Variants in FARS2 observed in about 807,000 individuals in gnomAD.
The protein encoded by FARS2 is phenylalanyl-tRNA synthetase 2, mitochondrial.
In FARS2, 40 loss-of-function variants were observed where a neutral mutation model predicts 46.4. The observed-to-expected ratio is 0.86, with a 90% CI of 0.67 to 1.12. The LOEUF (loss-of-function observed/expected upper bound fraction) is 1.12. FARS2 is among the 50% of genes most tolerant of loss of function. The pLI is 0.00. For synonymous variants in FARS2, 234 were observed against 214.9 expected (o/e 1.09, Z -0.78); for missense variants, 513 against 567.9 (o/e 0.90, Z 0.98).
At chr6:5,381,752 T>G (rs1187047841) in intron 2 of FARS2, among the ~76,000 whole-genome samples, 1 of 152,202 alleles carries the variant, frequency 6.6e-6, no homozygotes, top group Non-Finnish European at 1.5e-5. Context: ...GAATGCTGCC[T>G]AACTTGGGTA....
intron 6 of FARS2, among the ~76,000 whole-genome samples, chr6:5,655,626 T>A (rs1777571648): frequency 1.3e-5 from 2 of 152,296 alleles, no homozygotes; most frequent in African/African-American, 4.8e-5. Flanking sequence ...ACTCTGGCCC[T>A]CCTGCCTCCC....
intron 2 of FARS2, among the ~76,000 whole-genome samples, chr6:5,370,200 A>G (rs1017700580): frequency 3.3e-5 from 5 of 152,192 alleles, no homozygotes; most frequent in African/African-American, 4.8e-5. Flanking sequence ...GTTGTATTCT[A>G]TAAGTCCTAT....
intron 3 of FARS2, among the ~76,000 whole-genome samples, chr6:5,426,023 G>GTT (rs146282440): frequency 6.6e-6 from 1 of 151,624 alleles, no homozygotes; most frequent in African/African-American, 2.4e-5. Flanking sequence ...CCCAGGTGTG[G>GTT]TTTTTTTTCC....
At chr6:5,533,577 C>T (rs1328651362) in intron 4 of FARS2, among the ~76,000 whole-genome samples, 1 of 152,218 alleles carries the variant, frequency 6.6e-6, no homozygotes, top group African/African-American at 2.4e-5. Context: ...ATGCTGCCCT[C>T]ATGCACTGCA....
intron 6 of FARS2, among the ~76,000 whole-genome samples, chr6:5,700,488 C>T (rs1404083306): frequency 6.6e-6 from 1 of 152,016 alleles, no homozygotes; most frequent in Admixed American, 6.6e-5. Context: ...CTCACTGCGA[C>T]CTCCACCTCC....
intron 6 of FARS2, among the ~76,000 whole-genome samples, chr6:5,656,051 A>G (rs951679676): frequency 1.3e-5 from 2 of 152,228 alleles, no homozygotes; most frequent in Admixed American, 6.5e-5. Flanking sequence ...TATGTTGGGT[A>G]TCATCCTAGG....
chr6:5,403,391 C>G (rs1435485165), intron 2 of FARS2, among the ~76,000 whole-genome samples: 1 of 152,202 alleles, frequency 6.6e-6, no homozygotes, highest in African/African-American at 2.4e-5. Flanking sequence ...CACAGCAAAG[C>G]TTTCCCTTTT....
At chr6:5,574,893 A>C (rs1772867685) in intron 5 of FARS2, among the ~76,000 whole-genome samples, 1 of 152,160 alleles carries the variant, frequency 6.6e-6, no homozygotes, top group Admixed American at 6.5e-5. Context: ...ACCTGCATAT[A>C]CAAAATGTCA....
At chr6:5,256,491 G>GAAAAAAAAAA (rs1161084364), upstream of FARS2, among the ~76,000 whole-genome samples, 1 of 43,858 alleles carries the variant, frequency 2.3e-5, no homozygotes, top group Non-Finnish European at 3.6e-5. Context: ...ATTTCAACTG[G>GAAAAAAAAAA]AAAAAAAAAA....
chr6:5,383,799 C>A (rs1447173030), intron 2 of FARS2, among the ~76,000 whole-genome samples: 2 of 147,944 alleles, frequency 1.4e-5, no homozygotes, highest in African/African-American at 5.0e-5. Context: ...CTTTTCTGTT[C>A]TTTCCCGTGG....
chr6:5,576,569 A>G (rs891070454), intron 5 of FARS2, among the ~76,000 whole-genome samples: 1 of 146,206 alleles, frequency 6.8e-6, no homozygotes, highest in Non-Finnish European at 1.5e-5. Flanking sequence ...TATATAGAGT[A>G]TATATCTATG....
At chr6:5,557,670 A>G (rs190698735) in intron 5 of FARS2, among the ~76,000 whole-genome samples, 1 of 152,284 alleles carries the variant, frequency 6.6e-6, no homozygotes, top group African/African-American at 2.4e-5. Context: ...CACTTATGAA[A>G]TGGATGATAG....
intron 5 of FARS2, among the ~76,000 whole-genome samples, chr6:5,547,823 C>T (rs746014973): frequency 3.3e-5 from 5 of 152,216 alleles, no homozygotes; most frequent in Non-Finnish European, 7.3e-5. Flanking sequence ...TACTCACGCC[C>T]CAGTGGCGAC....
chr6:5,689,448 C>T (rs1161395195), intron 6 of FARS2, among the ~76,000 whole-genome samples: 16 of 152,102 alleles, frequency 1.1e-4, no homozygotes, highest in Admixed American at 4.6e-4. Context: ...GCCTTCATTT[C>T]GTTATGTCCC....
At chr6:5,282,407 G>T (rs1188903147) in intron 1 of FARS2, among the ~76,000 whole-genome samples, 38 of 152,216 alleles carry the variant, frequency 2.5e-4, no homozygotes, top group Non-Finnish European at 7.3e-5. Flanking sequence ...GCGGACACCA[G>T]GGGAAGCGCC....
intron 4 of FARS2, among the ~76,000 whole-genome samples, chr6:5,457,737 TTC>T (rs1404570972): frequency 4.6e-5 from 7 of 152,224 alleles, no homozygotes; most frequent in African/African-American, 1.7e-4. Context: ...GGGTTTTTAT[TTC>T]TGTTTCTCTC....
intron 1 of FARS2, among the ~76,000 whole-genome samples, chr6:5,289,050 T>C (rs1767325633): frequency 6.6e-6 from 1 of 152,138 alleles, no homozygotes; most frequent in Non-Finnish European, 1.5e-5. Context: ...GCCCTTAGAG[T>C]GGGAGAATTT....
chr6:5,389,642 T>C (rs1034213300), intron 2 of FARS2, among the ~76,000 whole-genome samples: 7 of 152,190 alleles, frequency 4.6e-5, no homozygotes, highest in African/African-American at 1.7e-4. Flanking sequence ...TTAGTGAAAT[T>C]GGTGATACGG....
chr6:5,669,722 C>G (rs4959344), intron 6 of FARS2, among the ~76,000 whole-genome samples: 132,023 of 151,808 alleles, frequency 0.87, 58,997 homozygotes, highest in East Asian at 1. Context: ...TGATGGCAAA[C>G]AGAGGTCCTG....
Sources: gnomAD v4.1 joint callset for allele counts (sites outside exome capture counted in the v4.1 genomes callset) on GRCh38, gnomAD v4.1.1 for gene constraint, MANE v1.5 for transcripts, NCBI Gene and HGNC (gene_info 2026-07-23, HGNC 2026-07-21) for gene names.